TCF12: variants seen among roughly 807,000 people sequenced by gnomAD.
The protein encoded by TCF12 is transcription factor 12, also known as DNA-binding protein HTF4.
TCF12 carries 45 observed loss-of-function variants against 86.0 expected under a neutral mutation model. The observed-to-expected ratio is 0.52, with a 90% CI of 0.41 to 0.67. The LOEUF (loss-of-function observed/expected upper bound fraction) is 0.67. TCF12 is among the 30% of genes least tolerant of loss of function. The probability of loss-of-function intolerance (pLI) is 0.00; values close to 1 mark genes in which losing one functional copy is unlikely to be tolerated. For synonymous variants in TCF12, 330 were observed against 299.6 expected, an observed-to-expected ratio of 1.10 and a Z score of -1.05; for missense variants, 881 against 859.9, an observed-to-expected ratio of 1.02 and a Z score of -0.31.
chr15:57,207,260 A>G (rs1240727050), intron 8 of TCF12, among the ~76,000 whole-genome samples: 2 of 152,232 alleles, frequency 1.3e-5, no homozygotes, highest in Admixed American at 6.5e-5. Context: ...AAAATTAAGA[A>G]TATCTTCCAT....
intron 5 of TCF12, among the ~76,000 whole-genome samples, chr15:57,133,104 C>G (rs1168359683): frequency 6.6e-6 from 1 of 152,202 alleles, no homozygotes; most frequent in African/African-American, 2.4e-5. Context: ...TTTTTACTTT[C>G]ATCCTCCTTT....
At chr15:57,066,887 G>A in intron 4 of TCF12, among the ~76,000 whole-genome samples, 1 of 152,152 alleles carries the variant, frequency 6.6e-6, no homozygotes, top group East Asian at 1.9e-4. Context: ...TTATTTAATA[G>A]CTTTTCAAGG....
intron 18 of TCF12, among the ~76,000 whole-genome samples, chr15:57,272,459 A>G (rs1048148792): frequency 5.3e-5 from 8 of 152,242 alleles, no homozygotes; most frequent in South Asian, 2.1e-4. Flanking sequence ...CTCTCAATCT[A>G]TATCTTAAGC....
intron 5 of TCF12, among the ~76,000 whole-genome samples, chr15:57,132,939 A>T (rs1294850462): frequency 6.6e-6 from 1 of 152,168 alleles, no homozygotes; most frequent in Non-Finnish European, 1.5e-5. Flanking sequence ...GTCACCCCTC[A>T]CACACCAGGA....
At chr15:57,112,141 T>A (rs1296989710) in intron 5 of TCF12, among the ~76,000 whole-genome samples, 1 of 152,164 alleles carries the variant, frequency 6.6e-6, no homozygotes, top group African/African-American at 2.4e-5. Context: ...TCAAAACTTT[T>A]TAGTCCAGAA....
At chr15:57,033,107 A>G (rs1389929383) in intron 3 of TCF12, among the ~76,000 whole-genome samples, 3 of 152,206 alleles carry the variant, frequency 2.0e-5, no homozygotes, top group African/African-American at 4.8e-5. Flanking sequence ...AGATAGGTCA[A>G]TAGAAATTTT....
chr15:56,952,993 T>C (rs1423287419), intron 3 of TCF12, among the ~76,000 whole-genome samples: 3 of 152,080 alleles, frequency 2.0e-5, no homozygotes, highest in Non-Finnish European at 4.4e-5. Context: ...CTTTTTTTTA[T>C]AGTACCTTGT....
chr15:57,091,954 TC>T, intron 5 of TCF12, 63 bp downstream of exon 5: 1 of 1,413,650 alleles, frequency 7.1e-7, no homozygotes, highest in Non-Finnish European at 1.0e-6. Flanking sequence ...ACATTTTTTA[TC>T]CCTTTGTCCA....
At chr15:56,948,841 TAC>T (rs1430460781) in intron 3 of TCF12, among the ~76,000 whole-genome samples, 2 of 152,288 alleles carry the variant, frequency 1.3e-5, no homozygotes, top group Non-Finnish European at 2.9e-5. Context: ...AGAAAATGCT[TAC>T]TGTTTTCCCT....
At chr15:57,277,894 T>C (rs1188294559) in intron 19 of TCF12, among the ~76,000 whole-genome samples, 1 of 151,836 alleles carries the variant, frequency 6.6e-6, no homozygotes, top group Non-Finnish European at 1.5e-5. Flanking sequence ...GAGCTATGGT[T>C]GTAGCACCAC....
At chr15:56,975,693 CTT>C (rs2062561963) in intron 3 of TCF12, among the ~76,000 whole-genome samples, 1 of 151,814 alleles carries the variant, frequency 6.6e-6, no homozygotes, top group Non-Finnish European at 1.5e-5. Context: ...CACTGCTAAA[CTT>C]TTATATCAGA....
intron 3 of TCF12, among the ~76,000 whole-genome samples, chr15:57,012,960 T>C (rs550009250): frequency 6.6e-6 from 1 of 152,202 alleles, no homozygotes; most frequent in Non-Finnish European, 1.5e-5. Context: ...TTAACTGCTT[T>C]AAAGATTTAC....
intron 8 of TCF12, among the ~76,000 whole-genome samples, chr15:57,207,393 G>A (rs1285666527): frequency 3.3e-5 from 5 of 152,096 alleles, no homozygotes; most frequent in African/African-American, 9.7e-5. Context: ...TAGGCCGGGC[G>A]CGGTGGCTTA....
At chr15:57,045,249 A>G (rs1293855520) in intron 3 of TCF12, among the ~76,000 whole-genome samples, 1 of 152,192 alleles carries the variant, frequency 6.6e-6, no homozygotes, top group Non-Finnish European at 1.5e-5. Flanking sequence ...GGGGCAAAAA[A>G]GTGTGTGGCA....
intron 6 of TCF12, among the ~76,000 whole-genome samples, chr15:57,185,996 G>C (rs1350863896): frequency 6.6e-6 from 1 of 152,058 alleles, no homozygotes; most frequent in African/African-American, 2.4e-5. Context: ...GGAAATAGAG[G>C]ACATTACTAC....
At chr15:57,186,917 A>C (rs1348501490) in intron 6 of TCF12, among the ~76,000 whole-genome samples, 1 of 152,228 alleles carries the variant, frequency 6.6e-6, no homozygotes, top group Non-Finnish European at 1.5e-5. Flanking sequence ...ATGGTGGCTC[A>C]CACCAGTAAT....
intron 3 of TCF12, among the ~76,000 whole-genome samples, chr15:56,955,331 C>T (rs181109824): frequency 0.033 from 5,066 of 151,872 alleles, 315 homozygotes; most frequent in East Asian, 0.29. Flanking sequence ...TGTTCTCACT[C>T]ATAGGTGGGA....
chr15:57,241,094 TATTG>T (rs1265302194), intron 12 of TCF12, among the ~76,000 whole-genome samples: 2 of 149,336 alleles, frequency 1.3e-5, no homozygotes, highest in Admixed American at 1.4e-4. Context: ...AAACCAATAA[TATTG>T]ATTTTTTTTT....
rs1171127753 is a variant in TCF12, at chr15:56,939,977, T to TTTTG, written c.148+18882_148+18883insGTTT. On this transcript the variant is annotated intron_variant, in intron 3 of 20. Transcript: ENST00000333725. ...ATACTTTAATAGCGTGTTTTTTTTT[T>TTTTG]TTTTTTTTTTTTTTGACAGGGTATA... Among the ~76,000 whole-genome samples the TTTTG allele has an allele frequency of 6.9e-5, 7 of 100,946 alleles. No individual in the cohort carries two copies. In the East Asian group the frequency reaches 2.1e-3, roughly 30 times the overall value. The allele number at this position is 100,946 out of a possible 152,430, so 66.2% of individuals were successfully genotyped here.
Sources: gnomAD v4.1 joint callset for allele counts (sites outside exome capture counted in the v4.1 genomes callset) on GRCh38, gnomAD v4.1.1 for gene constraint, MANE v1.5 for transcripts, NCBI Gene and HGNC (gene_info 2026-07-23, HGNC 2026-07-21) for gene names.